The following GRHL2 variants were observed in gnomAD, a reference collection of about 807,000 sequenced individuals.
GRHL2 encodes the protein grainyhead-like protein 2 homolog.
GRHL2 carries 21 observed loss-of-function variants against 83.8 expected under a neutral mutation model. The ratio of observed to expected loss-of-function variants is 0.25; its 90% confidence interval spans 0.18 to 0.36. The LOEUF (loss-of-function observed/expected upper bound fraction) is 0.36. GRHL2 is among the 10% of genes least tolerant of loss of function. The pLI, the probability that GRHL2 is intolerant of heterozygous loss-of-function variation, is 1.00. For missense variants in GRHL2, 623 were observed against 781.8 expected, an observed-to-expected ratio of 0.80 and a Z score of 2.42; for synonymous variants, 280 against 278.9, an observed-to-expected ratio of 1.00 and a Z score of -0.04.
intron 1 of GRHL2, among the ~76,000 whole-genome samples, chr8:101,518,336 C>T (rs906283382): frequency 6.6e-6 from 1 of 152,174 alleles, no homozygotes; most frequent in African/African-American, 2.4e-5. Flanking sequence ...CACTTGAGGC[C>T]TGGAGATCGA....
At chr8:101,599,637 G>A (rs1196257247) in intron 8 of GRHL2, among the ~76,000 whole-genome samples, 1 of 152,354 alleles carries the variant, frequency 6.6e-6, no homozygotes, top group Non-Finnish European at 1.5e-5. Flanking sequence ...GGTCACCACT[G>A]TGACCTTCAG....
intron 9 of GRHL2, among the ~76,000 whole-genome samples, chr8:101,627,234 T>C (rs1813098125): frequency 6.6e-6 from 1 of 152,138 alleles, no homozygotes; most frequent in Non-Finnish European, 1.5e-5. Context: ...GACAACCCTG[T>C]ATTGATCAAG....
intron 1 of GRHL2, among the ~76,000 whole-genome samples, chr8:101,500,157 A>T (rs1810195379): frequency 6.6e-6 from 1 of 152,168 alleles, no homozygotes; most frequent in Non-Finnish European, 1.5e-5. Context: ...GCCTAACCTG[A>T]TAAAGGGTAG....
intron 11 of GRHL2, among the ~76,000 whole-genome samples, chr8:101,633,453 T>C (rs1157419472): frequency 6.6e-6 from 1 of 152,208 alleles, no homozygotes; most frequent in African/African-American, 2.4e-5. Context: ...GAGAAATCCC[T>C]ACTGGCTTTA....
At chr8:101,597,465 T>C (rs1586131125) in intron 7 of GRHL2, among the ~76,000 whole-genome samples, 2 of 151,918 alleles carry the variant, frequency 1.3e-5, no homozygotes, top group Non-Finnish European at 2.9e-5. Flanking sequence ...ATTAAGAAAA[T>C]GTGGCACATA....
At chr8:101,678,141 C>T in the GRHL2 span, among the ~76,000 whole-genome samples, 101 of 152,230 alleles carry the variant, frequency 6.6e-4, 1 homozygote, top group South Asian at 0.015. Flanking sequence ...ACGCAGAAGA[C>T]GGGTGATTTC....
intron 8 of GRHL2, among the ~76,000 whole-genome samples, chr8:101,600,982 C>T (rs1226904380): frequency 6.6e-6 from 1 of 152,016 alleles, no homozygotes; most frequent in Non-Finnish European, 1.5e-5. Context: ...AGTAGGGAGA[C>T]CCCATGTCTA....
intron 1 of GRHL2, chr8:101,529,213 T>TTG: frequency 3.9e-6 from 1 of 256,288 alleles, no homozygotes; most frequent in Non-Finnish European, 7.6e-6. Flanking sequence ...GGTGGGCGGA[T>TTG]CATGAGGTCA....
At chr8:101,551,008 C>T (rs1248236306) in intron 2 of GRHL2, among the ~76,000 whole-genome samples, 1 of 152,160 alleles carries the variant, frequency 6.6e-6, no homozygotes, top group Non-Finnish European at 1.5e-5. Context: ...CATTCATCTG[C>T]TGTTGGACAT....
intron 8 of GRHL2, among the ~76,000 whole-genome samples, chr8:101,618,527 G>A (rs1812900053): frequency 6.6e-6 from 1 of 152,074 alleles, no homozygotes; most frequent in African/African-American, 2.4e-5. Flanking sequence ...GTCCTGCAGG[G>A]AGGGATCCTA....
At chr8:101,621,444 A>G (rs1812963081) in intron 9 of GRHL2, among the ~76,000 whole-genome samples, 1 of 152,204 alleles carries the variant, frequency 6.6e-6, no homozygotes, top group East Asian at 1.9e-4. Flanking sequence ...ATAAAAGATT[A>G]AAATAGATTA....
rs74784591 is a variant in GRHL2 at position 101,567,902 on chromosome 8, G to A, written c.679-2437G>A. ...ATTCATTCTTGCCATGTTTACTAAT[G>A]CTGATTCACCTGGTTTTTATGGATT... On this transcript the variant is annotated intron_variant, in intron 4 of 15. Coordinates refer to ENST00000646743, the MANE Select transcript of GRHL2 (RefSeq NM_024915.4). 4.5e-4 allele frequency among the ~76,000 whole-genome samples: 69 copies of A among 152,306 alleles called. No homozygotes were observed. In the East Asian group the frequency reaches 0.013, roughly 28 times the overall value.
chr8:101,577,458 C>T lies in GRHL2; in HGVS notation c.942C>T (p.Leu314=). The T allele has an allele frequency of 6.2e-7, 1 of 1,614,036 alleles. No homozygotes were observed. The highest frequency in any genetic ancestry group is 8.5e-7 in the Non-Finnish European group (1 of 1,179,970). Residue 314 remains leucine (L), a synonymous_variant, in exon 7 of 16, where the codon CTC becomes CTT. Transcript: ENST00000646743. ...FSEDKNRDEQ[L]KYWKYWHSRQ... is the part of the protein sequence containing the mutation. The stretch of plus-strand genomic sequence containing the variant: ...AAGACAAAAACAGAGATGAACAGCT[C>T]AAATACTGGAAATACTGGCACTCTC...
intron 1 of GRHL2, among the ~76,000 whole-genome samples, chr8:101,494,176 C>G (rs1810044856): frequency 6.6e-6 from 1 of 152,182 alleles, no homozygotes; most frequent in Admixed American, 6.5e-5. Flanking sequence ...GCCGCTGGGC[C>G]TGTCATGGAG....
intron 6 of GRHL2, among the ~76,000 whole-genome samples, chr8:101,576,876 G>A (rs1811943463): frequency 6.6e-6 from 1 of 152,118 alleles, no homozygotes; most frequent in African/African-American, 2.4e-5. Flanking sequence ...AATATCTGTA[G>A]TTTAGATCTA....
At position 101,669,701 on chromosome 8, in the gene GRHL2, T is replaced by A. The variant is rs1271412390; in HGVS notation, c.*2998T>A. The stretch of plus-strand genomic sequence containing the variant: ...TTTGTACATTTTTAAGGAGAAAAAA[T>A]AAATATTCATAACATAAGAGTAAAA... On this transcript the variant is annotated 3_prime_UTR_variant, in exon 16 of 16. Coordinates refer to ENST00000646743, the MANE Select transcript of GRHL2 (RefSeq NM_024915.4). The A allele has an allele frequency of 6.7e-6, 1 of 148,378 alleles. No homozygotes were observed. The highest frequency in any genetic ancestry group is 1.5e-5 in the Non-Finnish European group (1 of 66,986). The allele number at this position is 148,378 out of a possible 1,614,324, so 9.2% of individuals were successfully genotyped here.
rs1202888034 is a variant in GRHL2, at chr8:101,558,769, C to T, written c.635C>T (p.Pro212Leu). The change falls in exon 4 of 16, where the codon CCG becomes CTG. Residue 212 changes from proline to leucine, a missense_variant. This residue lies in a region of GRHL2 where 239 missense variants were observed against 240.5 expected (regional missense o/e 0.99). Coordinates refer to ENST00000646743, the MANE Select transcript of GRHL2 (RefSeq NM_024915.4). ...CTCAAAGACGACCAGCGCAGCACTC[C>T]GGACAGCACATACAGCGAGAGCTTC... ...AYLKDDQRST[P>L]DSTYSESFKD... The T allele has an allele frequency of 3.7e-6, 6 of 1,613,994 alleles. No individual in the cohort carries two copies. The highest frequency in any genetic ancestry group is 1.3e-5 in the African/African-American group (1 of 74,904).
intron 7 of GRHL2, among the ~76,000 whole-genome samples, chr8:101,592,859 T>A (rs1355118500): frequency 1.3e-5 from 2 of 152,202 alleles, no homozygotes; most frequent in African/African-American, 4.8e-5. Flanking sequence ...TTTGGCTATA[T>A]CTCTGGCAGC....
rs566388112 is a variant in GRHL2 at position 101,667,314 on chromosome 8, CAGAA to C, written c.*614_*617del. The C allele has an allele frequency of 1.3e-4, 23 of 172,172 alleles. No individual in the cohort carries two copies. In the East Asian group the frequency reaches 3.1e-3, roughly 24 times the overall value. The allele number at this position is 172,172 out of a possible 1,614,324, so 10.7% of individuals were successfully genotyped here. A position where few individuals can be genotyped will look rare whatever the true frequency, so the allele number is the denominator to read the frequency against. ...TTCAGTCACCGTGTAATTAGTAACA[CAGAA>C]AGTCTGCCTGTCTGCATTGTACATA... On this transcript the variant is annotated 3_prime_UTR_variant, in exon 16 of 16. Transcript: ENST00000646743.
Sources: allele counts gnomAD v4.1 joint callset (sites outside exome capture counted in the v4.1 genomes callset), GRCh38; gene constraint gnomAD v4.1.1; regional missense constraint gnomAD v4.1.1; transcripts MANE v1.5; gene names NCBI Gene and HGNC (gene_info 2026-07-23, HGNC 2026-07-21).